Variants in TRAPPC9 observed in about 807,000 individuals in gnomAD.
TRAPPC9 encodes the protein IKK2 binding protein.
Under a neutral mutation model 124.0 loss-of-function variants are expected in TRAPPC9, and 83 were observed. That is an observed-to-expected ratio of 0.67 (90% CI 0.56 to 0.80). TRAPPC9 has a LOEUF of 0.80. Among genes scored for constraint, TRAPPC9 ranks in the 30% least tolerant of loss-of-function variants. TRAPPC9 has a pLI of 0.00. For missense variants in TRAPPC9, 1,302 were observed against 1,508.3 expected, an observed-to-expected ratio of 0.86 and a Z score of 2.27; for synonymous variants, 638 against 617.5, an observed-to-expected ratio of 1.03 and a Z score of -0.49.
intron 21 of TRAPPC9, among the ~76,000 whole-genome samples, chr8:139,832,579 A>G (rs1279787604): frequency 1.3e-5 from 2 of 152,184 alleles, no homozygotes; most frequent in African/African-American, 4.8e-5. Context: ...CCTTGAACTC[A>G]GCGAGCTCTT....
intron 20 of TRAPPC9, among the ~76,000 whole-genome samples, chr8:139,902,139 C>T (rs1231769699): frequency 6.6e-6 from 1 of 152,236 alleles, no homozygotes; most frequent in African/African-American, 2.4e-5. Flanking sequence ...CACACACATG[C>T]ATGCACACAC....
intron 4 of TRAPPC9, among the ~76,000 whole-genome samples, chr8:140,430,136 G>A (rs1385301494): frequency 4.7e-5 from 7 of 147,728 alleles, no homozygotes; most frequent in Admixed American, 3.4e-4. Context: ...GACAGAGTGA[G>A]ACTCCATCCC....
intron 21 of TRAPPC9, among the ~76,000 whole-genome samples, chr8:139,804,103 CCACCACCACCAAA>C (rs1823773702): frequency 7.7e-6 from 1 of 130,408 alleles, no homozygotes; most frequent in Non-Finnish European, 1.7e-5. Context: ...CCACCACTCA[CCACCACCACCAAA>C]CACCACCACC....
At chr8:139,753,011 C>T (rs1165042147) in intron 21 of TRAPPC9, among the ~76,000 whole-genome samples, 2 of 151,026 alleles carry the variant, frequency 1.3e-5, no homozygotes, top group Non-Finnish European at 3.0e-5. Context: ...CCCATCCATC[C>T]ACCCATCTAC....
intron 17 of TRAPPC9, among the ~76,000 whole-genome samples, chr8:140,119,002 T>C (rs906162360): frequency 1.3e-5 from 2 of 152,236 alleles, no homozygotes; most frequent in Non-Finnish European, 2.9e-5. Flanking sequence ...GTCAAGGGTC[T>C]TCATTTAAAC....
At chr8:139,851,694 C>T (rs762946464) in intron 21 of TRAPPC9, among the ~76,000 whole-genome samples, 14 of 152,332 alleles carry the variant, frequency 9.2e-5, no homozygotes, top group Middle Eastern at 3.4e-3. Context: ...GGAAAGGTCC[C>T]GCGGACTCAC....
intron 19 of TRAPPC9, among the ~76,000 whole-genome samples, chr8:139,917,197 G>A (rs1355992880): frequency 4.7e-5 from 2 of 42,946 alleles, no homozygotes; most frequent in East Asian, 1.9e-3. Context: ...TTGTTGAGAC[G>A]GAGTCTCGCT....
At chr8:140,160,581 T>A (rs1361660305) in intron 17 of TRAPPC9, among the ~76,000 whole-genome samples, 1 of 132,688 alleles carries the variant, frequency 7.5e-6, no homozygotes, top group Non-Finnish European at 1.5e-5. Context: ...CACTCATAGG[T>A]GGGAATTGAA....
At chr8:140,133,494 T>C (rs917477592) in intron 17 of TRAPPC9, among the ~76,000 whole-genome samples, 5 of 152,122 alleles carry the variant, frequency 3.3e-5, no homozygotes, top group Non-Finnish European at 5.9e-5. Flanking sequence ...TCCCCTAAGA[T>C]CAGGAACAGG....
At chr8:140,177,722 T>C (rs896410795) in intron 17 of TRAPPC9, among the ~76,000 whole-genome samples, 1 of 152,134 alleles carries the variant, frequency 6.6e-6, no homozygotes, top group Admixed American at 6.5e-5. Flanking sequence ...TTACTACCCA[T>C]AGCCATGTAT....
chr8:140,340,397 C>T (rs2067161958), intron 9 of TRAPPC9, among the ~76,000 whole-genome samples: 2 of 152,148 alleles, frequency 1.3e-5, no homozygotes, highest in Admixed American at 6.5e-5. Flanking sequence ...AACTTAGAGA[C>T]CTAAGTAAAA....
intron 19 of TRAPPC9, among the ~76,000 whole-genome samples, chr8:139,923,663 A>G (rs909143726): frequency 6.6e-6 from 1 of 152,202 alleles, no homozygotes; most frequent in Non-Finnish European, 1.5e-5. Flanking sequence ...AGTCCTCAGA[A>G]GAGCGGAGAC....
At chr8:139,927,769 A>G (rs58417943) in intron 19 of TRAPPC9, among the ~76,000 whole-genome samples, 18,739 of 152,266 alleles carry the variant, frequency 0.12, 1,304 homozygotes, top group Admixed American at 0.19. Flanking sequence ...GAAATACTCA[A>G]CTACAAAAAG....
In TRAPPC9 at chr8:140,338,429, G is replaced by A. The variant is rs188720600; in HGVS notation, c.1495+21621C>T. On this transcript the variant is annotated intron_variant, in intron 9 of 22. Coordinates refer to ENST00000438773, the MANE Select transcript of TRAPPC9 (RefSeq NM_001160372.4). ...ATTAATTGAGTGGATAGCGACCAGC[G>A]TCCCTTAGGATGGGACAGGACAGAC... Among the ~76,000 whole-genome samples, 347 of 152,306 alleles carry A rather than the reference G, an allele frequency of 2.3e-3. 4 individuals carry two copies. The highest frequency in any genetic ancestry group is 3.5e-3 in the East Asian group (18 of 5,180).
At chr8:139,916,041 C>A (rs528272298) in intron 19 of TRAPPC9, among the ~76,000 whole-genome samples, 1 of 152,190 alleles carries the variant, frequency 6.6e-6, no homozygotes, top group Non-Finnish European at 1.5e-5. Flanking sequence ...TCTTCCAAGG[C>A]AGGACTTCAG....
chr8:140,290,123 TCA>T (rs1378504181), intron 12 of TRAPPC9, among the ~76,000 whole-genome samples: 2 of 152,094 alleles, frequency 1.3e-5, no homozygotes, highest in Non-Finnish European at 2.9e-5. Flanking sequence ...AGAGCCTTGG[TCA>T]CAGTCGCAGC....
chr8:139,918,932 G>C (rs770376678), intron 19 of TRAPPC9, among the ~76,000 whole-genome samples: 1 of 152,084 alleles, frequency 6.6e-6, no homozygotes, highest in African/African-American at 2.4e-5. Flanking sequence ...CCATCTTAAC[G>C]GGACTGCTTG....
intron 21 of TRAPPC9, among the ~76,000 whole-genome samples, chr8:139,773,251 T>A (rs1821110659): frequency 6.6e-6 from 1 of 152,218 alleles, no homozygotes; most frequent in African/African-American, 2.4e-5. Context: ...TGCCGATGGC[T>A]CTAACAGGTT....
intron 20 of TRAPPC9, among the ~76,000 whole-genome samples, chr8:139,891,496 G>A (rs562660387): frequency 6.6e-6 from 1 of 152,332 alleles, no homozygotes; most frequent in Admixed American, 6.5e-5. Flanking sequence ...GCTTCCTCAT[G>A]CACGTGCTCA....
Sources: allele counts gnomAD v4.1 joint callset (sites outside exome capture counted in the v4.1 genomes callset), GRCh38; gene constraint gnomAD v4.1.1; transcripts MANE v1.5; gene names NCBI Gene and HGNC (gene_info 2026-07-23, HGNC 2026-07-21).